Variants in GABRG1 observed in about 807,000 individuals in gnomAD.
GABRG1 encodes gamma-aminobutyric acid type A receptor subunit gamma1.
GABRG1 carries 49 observed loss-of-function variants against 49.8 expected under a neutral mutation model. The ratio of observed to expected loss-of-function variants is 0.98; its 90% confidence interval spans 0.78 to 1.25. The LOEUF is 1.25. GABRG1 is among the 50% of genes most tolerant of loss of function. The pLI is 0.00. For synonymous variants in GABRG1, 232 were observed against 185.1 expected, an observed-to-expected ratio of 1.25 and a Z score of -2.06; for missense variants, 552 against 552.3, an observed-to-expected ratio of 1.00 and a Z score of 0.01.
chr4:46,103,042 A>T (rs910098410), intron 1 of GABRG1, among the ~76,000 whole-genome samples: 7 of 151,608 alleles, frequency 4.6e-5, no homozygotes, highest in Non-Finnish European at 3.0e-5. Flanking sequence ...TCATCACAAA[A>T]TGGCCTACTT....
At position 46,038,720 on chromosome 4, in the gene GABRG1, C is replaced by T. The variant is rs761076901; in HGVS notation, c.*2268G>A. 15 of 151,470 alleles carry T rather than the reference C, an allele frequency of 9.9e-5. No individual in the cohort carries two copies. The highest frequency in any genetic ancestry group is 2.1e-4 in the Non-Finnish European group (14 of 67,616). 9.4% of individuals were successfully genotyped at this position (151,470 alleles called of 1,614,324 possible). A position where few individuals can be genotyped will look rare whatever the true frequency, so the allele number is the denominator to read the frequency against. Reference sequence around the variant, plus strand: ...ATTTTTAGAAATAATAAGATTTGTACGCCATTCTTTCTGATCACACATTTA... The same window carrying T: ...ATTTTTAGAAATAATAAGATTTGTATGCCATTCTTTCTGATCACACATTTA... On this transcript the variant is annotated 3_prime_UTR_variant, in exon 9 of 9. Coordinates refer to ENST00000295452, the MANE Select transcript of GABRG1 (RefSeq NM_173536.4).
At chr4:46,080,512 T>C (rs905521553) in intron 3 of GABRG1, among the ~76,000 whole-genome samples, 3 of 151,950 alleles carry the variant, frequency 2.0e-5, no homozygotes, top group Non-Finnish European at 2.9e-5. Flanking sequence ...CTAGTTTCAA[T>C]AGCAATTTTA....
chr4:46,079,355 A>G (rs1719478487), intron 3 of GABRG1, among the ~76,000 whole-genome samples: 1 of 151,916 alleles, frequency 6.6e-6, no homozygotes, highest in Admixed American at 6.6e-5. Context: ...TCCGTTACTA[A>G]GAGGAATCAG....
chr4:46,103,337 G>A (rs1560371664), intron 1 of GABRG1, among the ~76,000 whole-genome samples: 1 of 151,490 alleles, frequency 6.6e-6, no homozygotes, highest in African/African-American at 2.4e-5. Context: ...TACTTGTACT[G>A]AGTATATGTA....
chr4:46,060,403 A>G (rs1718629307), intron 5 of GABRG1, among the ~76,000 whole-genome samples: 1 of 152,132 alleles, frequency 6.6e-6, no homozygotes, highest in Non-Finnish European at 1.5e-5. Context: ...CTTGAAGGAA[A>G]TTACCACGTT....
chr4:46,076,144 T>A (rs1302761170), intron 3 of GABRG1, among the ~76,000 whole-genome samples: 1 of 151,740 alleles, frequency 6.6e-6, no homozygotes, highest in Admixed American at 6.6e-5. Context: ...TCTAGGACTC[T>A]TCAATCTGAA....
chr4:46,043,480 C>G (rs887205926), intron 8 of GABRG1, among the ~76,000 whole-genome samples: 1 of 151,750 alleles, frequency 6.6e-6, no homozygotes, highest in Non-Finnish European at 1.5e-5. Flanking sequence ...AGCCAAAAAT[C>G]TAACACAATG....
intron 7 of GABRG1, among the ~76,000 whole-genome samples, chr4:46,057,152 A>C (rs1469499732): frequency 6.6e-6 from 1 of 152,116 alleles, no homozygotes. Flanking sequence ...AATTTTAAAC[A>C]ATGAAAGGAA....
chr4:46,100,277 C>G (rs554872139), intron 1 of GABRG1, among the ~76,000 whole-genome samples: 27 of 151,230 alleles, frequency 1.8e-4, no homozygotes, highest in Non-Finnish European at 2.8e-4. Context: ...ATGATGAGAA[C>G]ACATCGACAA....
intron 5 of GABRG1, among the ~76,000 whole-genome samples, chr4:46,060,255 GTA>G (rs1043683885): frequency 2.5e-4 from 29 of 117,872 alleles, no homozygotes; most frequent in Non-Finnish European, 3.4e-4. Flanking sequence ...TTCGGTGGTT[GTA>G]TGTGTGTGTG....
chr4:46,088,815 T>TTGTGTGTGTGTGTGTGTG lies in GABRG1; in HGVS notation c.254-4780_254-4763dup, dbSNP rs3069486. On this transcript the variant is annotated intron_variant, in intron 2 of 8. Coordinates refer to ENST00000295452, the MANE Select transcript of GABRG1 (RefSeq NM_173536.4). ...CATGTGTGTGTGTGTTTGTGTGTGT[T>TTGTGTGTGTGTGTGTGTG]TGTGTGTGTGTGTGTGTGTGTGTGT... Among the ~76,000 whole-genome samples the TTGTGTGTGTGTGTGTGTG allele has an allele frequency of 4.6e-4, 60 of 131,674 alleles. 1 individual carries two copies. The highest frequency in any genetic ancestry group is 1.4e-3 in the African/African-American group (49 of 34,666). 86.4% of individuals were successfully genotyped at this position (131,674 alleles called of 152,430 possible).
Position 46,037,578 on chromosome 4 carries a change from A to C in GABRG1, c.*3410T>G, listed in dbSNP as rs1717578770. 1 of 151,752 alleles carries C rather than the reference A, an allele frequency of 6.6e-6. No individual in the cohort carries two copies. The highest frequency in any genetic ancestry group is 2.4e-5 in the African/African-American group (1 of 41,388). 9.4% of individuals were successfully genotyped at this position (151,752 alleles called of 1,614,324 possible). ...GCTTAAGAGTCTACTGGGTACCTTC[A>C]ATGCCAGTTCTAAAACCAATGAAAT... On this transcript the variant is annotated 3_prime_UTR_variant, in exon 9 of 9. Coordinates refer to ENST00000295452, the MANE Select transcript of GABRG1 (RefSeq NM_173536.4).
chr4:46,065,924 G>A (rs1293686203), intron 3 of GABRG1, among the ~76,000 whole-genome samples: 7 of 151,874 alleles, frequency 4.6e-5, no homozygotes, highest in South Asian at 4.1e-4. Context: ...GGGTTTCACC[G>A]TGTTAGCCAG....
chr4:46,093,069 TAAA>T (rs10627690), intron 2 of GABRG1, among the ~76,000 whole-genome samples: 18 of 122,256 alleles, frequency 1.5e-4, no homozygotes, highest in Admixed American at 2.6e-4. Flanking sequence ...AACTCCATCT[TAAA>T]AAAAAAAAAA....
At chr4:46,045,399 C>T (rs553549931) in intron 8 of GABRG1, among the ~76,000 whole-genome samples, 3 of 151,908 alleles carry the variant, frequency 2.0e-5, no homozygotes, top group Admixed American at 6.6e-5. Flanking sequence ...TATGCTGAAC[C>T]TAAGAAGTCA....
At chr4:46,106,759 A>G (rs1374411916) in intron 1 of GABRG1, among the ~76,000 whole-genome samples, 1 of 146,162 alleles carries the variant, frequency 6.8e-6, no homozygotes, top group Non-Finnish European at 1.5e-5. Context: ...TTTTTGGTAT[A>G]TGAAATAAAA....
intron 3 of GABRG1, among the ~76,000 whole-genome samples, chr4:46,083,445 T>G (rs1719645075): frequency 6.6e-6 from 1 of 151,716 alleles, no homozygotes; most frequent in Admixed American, 6.6e-5. Context: ...GGGATACAAT[T>G]TATACATAAT....
intron 2 of GABRG1, among the ~76,000 whole-genome samples, chr4:46,094,234 A>G (rs1413320289): frequency 6.6e-6 from 1 of 152,084 alleles, no homozygotes; most frequent in African/African-American, 2.4e-5. Flanking sequence ...TCTCAGTATA[A>G]CTTAAAGACA....
chr4:46,123,762 A>G (rs561214148), intron 1 of GABRG1, 48 bp downstream of exon 1: 1 of 1,333,058 alleles, frequency 7.5e-7, no homozygotes, highest in Non-Finnish European at 1.1e-6. Context: ...GAATAAGGGG[A>G]AAGGGGTAGA....
Sources: gnomAD v4.1 joint callset for allele counts (sites outside exome capture counted in the v4.1 genomes callset) on GRCh38, gnomAD v4.1.1 for gene constraint, MANE v1.5 for transcripts, NCBI Gene and HGNC (gene_info 2026-07-23, HGNC 2026-07-21) for gene names.